MYO9A: variants seen among roughly 807,000 people sequenced by gnomAD.
MYO9A encodes unconventional myosin-IXa.
MYO9A carries 103 observed loss-of-function variants against 293.3 expected under a neutral mutation model. The ratio of observed to expected loss-of-function variants is 0.35; its 90% CI spans 0.30 to 0.41. The LOEUF is 0.41. Among genes scored for constraint, MYO9A ranks in the 10% least tolerant of loss-of-function variants. The pLI, the probability that MYO9A is intolerant of heterozygous loss-of-function variation, is 1.00. For missense variants in MYO9A, 2,685 were observed against 3,033.0 expected, an observed-to-expected ratio of 0.89 and a Z score of 2.69; for synonymous variants, 1,001 against 1,035.7, an observed-to-expected ratio of 0.97 and a Z score of 0.64.
chr15:71,826,054 G>GGAGTGT lies in MYO9A; in HGVS notation c.*525_*526insACACTC, dbSNP rs1555456865. The GGAGTGT allele has an allele frequency of 1.5e-5, 2 of 134,900 alleles. No homozygotes were observed. Among genetic ancestry groups the GGAGTGT allele is most frequent in the Non-Finnish European group, 3.1e-5 (2 of 64,640 alleles). The allele number at this position is 134,900 out of a possible 1,614,324, so 8.4% of individuals were successfully genotyped here. A position where few individuals can be genotyped will look rare whatever the true frequency, so the allele number is the denominator to read the frequency against. ...CTTTCCCCAGAATATAACATGGAGTGTTTTTTCAGAAATCTTAAAATAGAG... is the reference window on the plus strand; with the variant it reads ...CTTTCCCCAGAATATAACATGGAGTGGAGTGTTTTTTTCAGAAATCTTAAAATAGAG... On this transcript the variant is annotated 3_prime_UTR_variant, in exon 42 of 42. Transcript: ENST00000356056.
chr15:71,899,647 G>C, intron 24 of MYO9A, 40 bp downstream of exon 24: 3 of 1,527,388 alleles, frequency 2.0e-6, no homozygotes, highest in Non-Finnish European at 2.7e-6. Flanking sequence ...AAGTACTTGG[G>C]AAGAAGAAAA....
intron 1 of MYO9A, among the ~76,000 whole-genome samples, chr15:72,111,345 C>T (rs1199197143): frequency 8.0e-5 from 12 of 150,654 alleles, no homozygotes; most frequent in East Asian, 2.0e-4. Flanking sequence ...CAAAATTAGC[C>T]GGGCATGGTG....
intron 2 of MYO9A, among the ~76,000 whole-genome samples, chr15:72,033,805 GA>G (rs771741077): frequency 1.3e-5 from 2 of 152,148 alleles, no homozygotes; most frequent in East Asian, 3.8e-4. Flanking sequence ...ATAGCTCAAT[GA>G]AATTTAAGAT....
At chr15:71,828,729 T>C (rs2054606971) in intron 40 of MYO9A, among the ~76,000 whole-genome samples, 1 of 152,224 alleles carries the variant, frequency 6.6e-6, no homozygotes, top group South Asian at 2.1e-4. Context: ...ATTCAATTAA[T>C]ATCTTTGTAA....
At chr15:71,951,459 G>T (rs528872130) in intron 15 of MYO9A, among the ~76,000 whole-genome samples, 1 of 150,988 alleles carries the variant, frequency 6.6e-6, no homozygotes, top group African/African-American at 2.4e-5. Flanking sequence ...TTTATGAGCA[G>T]GAAAGAAAAC....
In MYO9A at chr15:71,826,909, T is replaced by TAGAC. The variant is rs755319189; in HGVS notation, c.7314_7317dup (p.Asn2440ValfsTer2). On this transcript the variant is annotated frameshift_variant, in exon 42 of 42. Transcript: ENST00000356056. LOFTEE classifies it high-confidence loss of function. The stretch of plus-strand genomic sequence containing the variant: ...CTGGTCCCATGAGATGATGCCGTGT[T>TAGAC]AGACAGACATAAAGAGGAGACCGAA... 1 of 1,614,130 alleles carries TAGAC rather than the reference T, an allele frequency of 6.2e-7. No individual in the cohort carries two copies. Among genetic ancestry groups the TAGAC allele is most frequent in the Admixed American group, 1.7e-5 (1 of 60,006 alleles).
chr15:71,955,341 C>G (rs2059153588), intron 14 of MYO9A, among the ~76,000 whole-genome samples: 2 of 152,146 alleles, frequency 1.3e-5, no homozygotes, highest in Admixed American at 6.5e-5. Flanking sequence ...GTTGGTCAGG[C>G]TGGTCTTGAA....
chr15:71,904,005 C>G lies in MYO9A; in HGVS notation c.2801G>C (p.Arg934Thr), dbSNP rs749179353. The G allele has an allele frequency of 1.9e-6, 3 of 1,613,956 alleles. No homozygotes were observed. The South Asian group carries it at 3.3e-5, about 18-fold the overall frequency. Residue 934 changes from arginine (R) to threonine (T), a missense_variant, in exon 21 of 42, where the codon AGA (arginine) becomes ACA (threonine). By Grantham distance (71) the Arg-to-Thr change is moderately conservative. Around this residue, in one of 10 missense-constraint regions of MYO9A, gnomAD observed 1,434 missense variants for 1,497.7 expected, o/e 0.96. Coordinates refer to ENST00000356056, the MANE Select transcript of MYO9A (RefSeq NM_006901.4). ...CAGCATCCCGGTGTATCGAAGCTGTCTAAGTACCAAGACATCACTGAACCT... is the reference window on the plus strand; with the variant it reads ...CAGCATCCCGGTGTATCGAAGCTGTGTAAGTACCAAGACATCACTGAACCT... Reference protein sequence around the residue: ...PLRFSDVLVLRQLRYTGMLET... With the variant: ...PLRFSDVLVLTQLRYTGMLET...
intron 14 of MYO9A, among the ~76,000 whole-genome samples, chr15:71,956,330 A>AAAAAAATATATATATATAT (rs10642655): frequency 2.6e-5 from 2 of 75,582 alleles, no homozygotes; most frequent in African/African-American, 1.2e-4. Flanking sequence ...AAAAAAAAAA[A>AAAAAAATATATATATATAT]ATATATATAT....
chr15:72,021,163 A>C (rs1403406577), intron 4 of MYO9A, 146 bp from the exon 5 acceptor site: 1 of 541,452 alleles, frequency 1.8e-6, no homozygotes, highest in East Asian at 3.5e-5. Context: ...TCAGCGTTTA[A>C]GTACTCCTAA....
intron 11 of MYO9A, among the ~76,000 whole-genome samples, chr15:71,985,005 C>G (rs1013308609): frequency 6.6e-6 from 1 of 152,122 alleles, no homozygotes; most frequent in Non-Finnish European, 1.5e-5. Context: ...CTGCAACCTC[C>G]GCCTCCTGGG....
Position 71,901,318 on chromosome 15 carries a change from C to T in MYO9A, c.3023G>A (p.Arg1008Gln), listed in dbSNP as rs146156289. The change falls in exon 23 of 42, where the codon CGA (arginine) becomes CAA (glutamine). Residue 1008 changes from arginine (R) to glutamine (Q), a missense_variant. Physicochemically the swap from Arg to Gln is conservative, Grantham distance 43 (BLOSUM62 1). Transcript: ENST00000356056. Reference sequence around the variant, plus strand: ...GTGAAGCAGATCTTGTAAGTGCTGTCGTTCCTGCTCCTTTAGAAAGACCTA... The same window carrying T: ...GTGAAGCAGATCTTGTAAGTGCTGTTGTTCCTGCTCCTTTAGAAAGACCTA... The part of the protein sequence containing the change: ...KTMVFLKEQE[R>Q]QHLQDLLHQE... The T allele has an allele frequency of 1.1e-5, 18 of 1,612,758 alleles. No homozygotes were observed. Among genetic ancestry groups the T allele is most frequent in the African/African-American group, 1.3e-5 (1 of 74,802 alleles).
At chr15:71,942,951 G>A (rs1306605847) in intron 15 of MYO9A, among the ~76,000 whole-genome samples, 1 of 151,980 alleles carries the variant, frequency 6.6e-6, no homozygotes, top group African/African-American at 2.4e-5. Flanking sequence ...CATCTGTTCA[G>A]ATTACTATCT....
chr15:71,912,945 T>C (rs1028262882), intron 19 of MYO9A, among the ~76,000 whole-genome samples: 28 of 152,280 alleles, frequency 1.8e-4, no homozygotes, highest in Middle Eastern at 3.4e-3. Flanking sequence ...CAATTTGATA[T>C]AATGTGTCTT....
At chr15:71,852,053 G>A in intron 36 of MYO9A, 79 bp downstream of exon 36, 3 of 1,408,090 alleles carry the variant, frequency 2.1e-6, no homozygotes, top group Non-Finnish European at 2.9e-6. Flanking sequence ...ACTAGAGGAT[G>A]GCTTGATAAT....
intron 8 of MYO9A, among the ~76,000 whole-genome samples, chr15:72,000,556 T>C (rs2076834211): frequency 6.6e-6 from 1 of 152,258 alleles, no homozygotes; most frequent in Non-Finnish European, 1.5e-5. Context: ...AACACTATGC[T>C]ATACTGTCAA....
intron 38 of MYO9A, among the ~76,000 whole-genome samples, chr15:71,849,552 G>C (rs925555945): frequency 1.3e-5 from 2 of 152,030 alleles, no homozygotes; most frequent in Non-Finnish European, 2.9e-5. Flanking sequence ...CAGACTCTCT[G>C]GGGATGGGAT....
At chr15:72,040,508 T>C (rs2078195928) in intron 2 of MYO9A, among the ~76,000 whole-genome samples, 1 of 152,196 alleles carries the variant, frequency 6.6e-6, no homozygotes, top group Non-Finnish European at 1.5e-5. Flanking sequence ...CTTTCCTGAA[T>C]TGTTTTTCCT....
rs1434980316 is a variant in MYO9A at position 72,013,002 on chromosome 15, G to T, written c.1156-2555C>A. ...TATTAATTTCCTTCTCTGTTTCTCT[G>T]ATGATAACTGTAGAAGAAAAACTAA... On this transcript the variant is annotated intron_variant, in intron 6 of 41. Coordinates refer to ENST00000356056, the MANE Select transcript of MYO9A (RefSeq NM_006901.4). 2.0e-5 allele frequency among the ~76,000 whole-genome samples: 3 copies of T among 152,144 alleles called. No individual in the cohort carries two copies. In the East Asian group the frequency reaches 5.8e-4, roughly 29 times the overall value.
Sources: allele counts gnomAD v4.1 joint callset (sites outside exome capture counted in the v4.1 genomes callset), GRCh38; gene constraint gnomAD v4.1.1; regional missense constraint gnomAD v4.1.1; transcripts MANE v1.5; gene names NCBI Gene and HGNC (gene_info 2026-07-23, HGNC 2026-07-21).